COL21A1: variants seen among roughly 807,000 people sequenced by gnomAD.
COL21A1 encodes the protein collagen alpha-1(XXI) chain.
Under a neutral mutation model 137.9 loss-of-function variants are expected in COL21A1, and 149 were observed. The ratio of observed to expected loss-of-function variants is 1.08; its 90% CI spans 0.95 to 1.24. The LOEUF is 1.24. Among genes scored for constraint, COL21A1 ranks in the 50% most tolerant of loss-of-function variants. The pLI, the probability that COL21A1 is intolerant of heterozygous loss-of-function variation, is 0.00. For missense variants in COL21A1, 1,167 were observed against 1,158.4 expected (o/e 1.01, Z -0.11); for synonymous variants, 456 against 391.5 (o/e 1.16, Z -1.95).
At chr6:56,241,099 T>C (rs1782288283) in intron 1 of COL21A1, among the ~76,000 whole-genome samples, 2 of 152,174 alleles carry the variant, frequency 1.3e-5, no homozygotes, top group South Asian at 4.1e-4. Flanking sequence ...CATGTTGCTA[T>C]GAACTGAAAG....
chr6:56,248,421 T>A (rs1336840240), upstream of COL21A1, among the ~76,000 whole-genome samples: 2 of 152,210 alleles, frequency 1.3e-5, no homozygotes, highest in African/African-American at 2.4e-5. Flanking sequence ...ACTTTGAGAG[T>A]GAGTCCTTCC....
chr6:56,140,366 G>A (rs1252158102), intron 12 of COL21A1, among the ~76,000 whole-genome samples: 1 of 152,116 alleles, frequency 6.6e-6, no homozygotes, highest in Non-Finnish European at 1.5e-5. Flanking sequence ...AAGAACAAAT[G>A]TTAAAGTCAG....
intron 5 of COL21A1, among the ~76,000 whole-genome samples, chr6:56,170,247 C>A (rs189095089): frequency 6.6e-6 from 1 of 151,670 alleles, no homozygotes; most frequent in African/African-American, 2.4e-5. Flanking sequence ...TAAAACAGAC[C>A]AATATGGACT....
intron 6 of COL21A1, among the ~76,000 whole-genome samples, chr6:56,167,689 A>G (rs943238841): frequency 1.1e-4 from 17 of 152,322 alleles, no homozygotes; most frequent in African/African-American, 4.1e-4. Flanking sequence ...ACATACCACA[A>G]TTGCTTTATT....
chr6:56,191,904 G>A (rs1230814666), intron 1 of COL21A1, among the ~76,000 whole-genome samples: 1 of 152,014 alleles, frequency 6.6e-6, no homozygotes, highest in Non-Finnish European at 1.5e-5. Context: ...ACAATCCTAA[G>A]CAAAAAGAAC....
At chr6:56,310,030 C>T (rs562447500) in intron 1 of COL21A1, among the ~76,000 whole-genome samples, 4 of 151,928 alleles carry the variant, frequency 2.6e-5, no homozygotes, top group Non-Finnish European at 5.9e-5. Flanking sequence ...TTCTTTGTAC[C>T]CAGGCTTTAA....
chr6:56,242,445 G>T (rs1187595736), intron 1 of COL21A1, among the ~76,000 whole-genome samples: 1 of 151,842 alleles, frequency 6.6e-6, no homozygotes, highest in Non-Finnish European at 1.5e-5. Flanking sequence ...TTTTCTTCTC[G>T]ACACCAATGA....
rs371474151 is a variant in COL21A1 at position 56,124,299 on chromosome 6, C to G, written c.1651-7G>C. On this transcript the variant is annotated splice_polypyrimidine_tract_variant and splice_region_variant and intron_variant, in intron 14 of 29. Coordinates refer to ENST00000244728, the MANE Select transcript of COL21A1 (RefSeq NM_030820.4). ...CCTTTTCACCTTTTGCACCCTGTAT[C>G]GAAAACAAACACTTAAAACACAATC... is the stretch of plus-strand genomic sequence containing the variant. 6.3e-7 allele frequency: 1 copy of G among 1,596,396 alleles called. No homozygotes were observed. The highest frequency in any genetic ancestry group is 1.1e-5 in the South Asian group (1 of 87,874).
At chr6:56,356,385 C>G (rs1333889027) in intron 1 of COL21A1, among the ~76,000 whole-genome samples, 2 of 152,178 alleles carry the variant, frequency 1.3e-5, no homozygotes, top group Non-Finnish European at 1.5e-5. Context: ...TATTTAGCAA[C>G]ATCCTTGGCC....
intron 12 of COL21A1, among the ~76,000 whole-genome samples, chr6:56,134,769 T>C (rs1773851396): frequency 1.3e-5 from 2 of 152,148 alleles, no homozygotes; most frequent in Admixed American, 6.5e-5. Context: ...AAATGGGAGT[T>C]TCCCTGCACA....
At chr6:56,061,091 A>T (rs1315285327) in intron 25 of COL21A1, 54 bp from the exon 26 acceptor site, 1 of 1,467,066 alleles carries the variant, frequency 6.8e-7, no homozygotes, top group African/African-American at 1.4e-5. Context: ...AGGAGGTATA[A>T]TTGCATCATG....
intron 10 of COL21A1, among the ~76,000 whole-genome samples, chr6:56,153,446 A>G (rs1684770874): frequency 1.3e-5 from 2 of 151,878 alleles, no homozygotes; most frequent in African/African-American, 4.8e-5. Context: ...CCTCATTTTC[A>G]TCATTATAAA....
chr6:56,141,788 G>C lies in COL21A1; in HGVS notation c.1539C>G (p.Asp513Glu). The C allele has an allele frequency of 6.2e-7, 1 of 1,613,578 alleles. No individual in the cohort carries two copies. The highest frequency in any genetic ancestry group is 8.5e-7 in the Non-Finnish European group (1 of 1,179,642). Residue 513 changes from aspartate to glutamate, a missense_variant, in exon 12 of 30, where the codon GAC (aspartate) becomes GAG (glutamate). Asp to Glu is a conservative substitution (Grantham distance 45, BLOSUM62 2). Coordinates refer to ENST00000244728, the MANE Select transcript of COL21A1 (RefSeq NM_030820.4). ...GYKGEPGRDG[D>E]KGDRGLPGFP... ...TTGCATTTTTGTGTGTGTTTACCTTGTCACCATCTCGCCCTGGTTCTCCTT... is the reference window on the plus strand; with the variant it reads ...TTGCATTTTTGTGTGTGTTTACCTTCTCACCATCTCGCCCTGGTTCTCCTT...
At chr6:56,060,621 C>A (rs1245155201) in intron 27 of COL21A1, 120 bp downstream of exon 27, 1 of 664,500 alleles carries the variant, frequency 1.5e-6, no homozygotes, top group Non-Finnish European at 2.4e-6. Context: ...GTAGATGAGG[C>A]TTATAAATGT....
chr6:56,188,643 C>T (rs940446169), intron 1 of COL21A1, among the ~76,000 whole-genome samples: 6 of 152,292 alleles, frequency 3.9e-5, no homozygotes, highest in Middle Eastern at 3.4e-3. Flanking sequence ...TGCTAAGGGT[C>T]GGACTGCCTC....
intron 1 of COL21A1, among the ~76,000 whole-genome samples, chr6:56,212,701 A>G (rs1169656340): frequency 2.6e-5 from 4 of 152,070 alleles, no homozygotes; most frequent in Non-Finnish European, 4.4e-5. Flanking sequence ...TAGGTAACGA[A>G]TTGATACAGA....
chr6:56,159,152 TTAA>T, intron 9 of COL21A1, among the ~76,000 whole-genome samples: 1 of 152,214 alleles, frequency 6.6e-6, no homozygotes, highest in African/African-American at 2.4e-5. Context: ...CACTCTAGAG[TTAA>T]TAAGAGAAAA....
rs1765843094 is a variant in COL21A1 at position 56,356,848 on chromosome 6, G to A, written c.-39+37123C>T. On this transcript the variant is annotated intron_variant, in intron 1 of 28. Coordinates refer to the COL21A1 transcript ENST00000370819. Reference sequence around the variant, plus strand: ...ATACTGAAGCAATCACAGCAGCTTCGATGATTTTGGTACAGGAGACAATGA... The same window carrying A: ...ATACTGAAGCAATCACAGCAGCTTCAATGATTTTGGTACAGGAGACAATGA... Among the ~76,000 whole-genome samples the A allele has an allele frequency of 2.6e-5, 4 of 151,312 alleles. No individual in the cohort carries two copies. The South Asian group carries it at 6.4e-4, about 24-fold the overall frequency.
intron 14 of COL21A1, among the ~76,000 whole-genome samples, chr6:56,125,106 C>T (rs527901591): frequency 2.7e-5 from 4 of 148,260 alleles, no homozygotes; most frequent in South Asian, 2.1e-4. Context: ...CTGCAACCTC[C>T]GCCTCCCAGG....
Sources: gnomAD v4.1 joint callset for allele counts (sites outside exome capture counted in the v4.1 genomes callset) on GRCh38, gnomAD v4.1.1 for gene constraint, MANE v1.5 for transcripts, NCBI Gene and HGNC (gene_info 2026-07-23, HGNC 2026-07-21) for gene names.